SYT3: variants seen among roughly 807,000 people sequenced by gnomAD.
The protein encoded by SYT3 is synaptotagmin-3.
A neutral mutation model predicts 50.6 loss-of-function variants in SYT3; 25 were observed. The observed-to-expected ratio is 0.49, with a 90% CI of 0.36 to 0.69. The LOEUF is 0.69. Ranked by LOEUF, SYT3 falls within the 30% of genes least tolerant of loss-of-function variation. The pLI is 0.00. For synonymous variants in SYT3, 323 were observed against 353.9 expected (o/e 0.91, Z 0.98); for missense variants, 589 against 793.6 (o/e 0.74, Z 3.10).
Position 50,630,147 on chromosome 19 carries a change from G to A in SYT3, c.699C>T (p.Leu233=), listed in dbSNP as rs928925864. 3.8e-6 allele frequency: 6 copies of A among 1,582,686 alleles called. No homozygotes were observed. The highest frequency in any genetic ancestry group is 3.4e-6 in the Non-Finnish European group (4 of 1,164,390). Residue 233 remains leucine (L), a synonymous_variant, in exon 5 of 11, where the codon CTC becomes CTT. Transcript: ENST00000600079. ...GCTGGGAGGTCAGAGTCTGCTGGGT[G>A]AGGGGTCGGGGCAGGGCTGGGTACC... is the stretch of plus-strand genomic sequence containing the variant. The part of the protein sequence containing the change: ...TTRYPALPRP[L]TQQTLTSQPD...
At position 50,637,346 on chromosome 19, in the gene SYT3, C is replaced by T. The variant is rs148889642; in HGVS notation, c.66G>A (p.Ala22=). The T allele has an allele frequency of 1.1e-4, 176 of 1,612,806 alleles. No individual in the cohort carries two copies. In the Admixed American group the frequency reaches 1.2e-3, roughly 11 times the overall value. ...RALILVSDLC[A]RVRDADTNDR... ...CGTTGGTGTCAGCATCTCGGACCCG[C>T]GCACAGAGGTCCGAGACCAGGATGA... is the stretch of plus-strand genomic sequence containing the variant. Residue 22 remains alanine (A), a synonymous_variant, in exon 3 of 11, where the codon GCG becomes GCA. Transcript: ENST00000600079. This position sits in a 1 kb window ranked among gnomAD's most constrained non-coding sequence, Gnocchi z 4.9.
Position 50,637,400 on chromosome 19 carries a change from G to T in SYT3, c.12C>A (p.Asp4Glu). 6.2e-7 allele frequency: 1 copy of T among 1,602,604 alleles called. No individual in the cohort carries two copies. The highest frequency in any genetic ancestry group is 8.5e-7 in the Non-Finnish European group (1 of 1,174,126). Residue 4 changes from aspartate (D) to glutamate (E), a missense_variant, in exon 3 of 11, where the codon GAC becomes GAA. Transcript: ENST00000600079. This position sits in a 1 kb window ranked among gnomAD's most constrained non-coding sequence, Gnocchi z 4.9. Reference protein sequence around the residue: MSGDYEDDLCRRAL... With the variant: MSGEYEDDLCRRAL... ...CCCGCCGGCAGAGGTCATCCTCGTAGTCTCCTGACATGGTGGCCGTCTGGT... is the reference window on the plus strand; with the variant it reads ...CCCGCCGGCAGAGGTCATCCTCGTATTCTCCTGACATGGTGGCCGTCTGGT...
intron 3 of SYT3, among the ~76,000 whole-genome samples, chr19:50,636,279 A>G (rs1984492686): frequency 6.6e-6 from 1 of 152,162 alleles, no homozygotes; most frequent in Non-Finnish European, 1.5e-5. Context: ...AGACAGACAA[A>G]CAAAAACAGT....
chr19:50,631,645 C>G (rs1185486708), intron 4 of SYT3, among the ~76,000 whole-genome samples: 1 of 152,034 alleles, frequency 6.6e-6, no homozygotes, highest in Admixed American at 6.5e-5. Flanking sequence ...TTTGCCTTCC[C>G]AACTCTCCCT....
At chr19:50,641,426 C>T (rs1455178877), upstream of SYT3, among the ~76,000 whole-genome samples, 1 of 150,892 alleles carries the variant, frequency 6.6e-6, no homozygotes, top group African/African-American at 2.4e-5. Flanking sequence ...GCCTCGGCCT[C>T]CCAAAGTGCT....
In SYT3 at chr19:50,632,684, G is replaced by A. The variant is rs147670795; in HGVS notation, c.276C>T (p.Gly92=). 114 of 1,589,240 alleles carry A rather than the reference G, an allele frequency of 7.2e-5. No individual in the cohort carries two copies. The highest frequency in any genetic ancestry group is 6.7e-5 in the African/African-American group (5 of 74,534). Residue 92 remains glycine (G), a synonymous_variant, in exon 4 of 11, where the codon GGC becomes GGT. Transcript: ENST00000600079. The surrounding 1 kb of genome is among the most constrained non-coding windows in gnomAD (Gnocchi z 4.7). The part of the protein sequence containing the change: ...PWRDKGGSAV[G]GGPLRKDLGP... ...CTAGGTCTTTGCGCAGGGGGCCACC[G>A]CCCACTGCCGAGCCTCCCTTGTCCC...
At chr19:50,627,547 C>T (rs535140119) in intron 6 of SYT3, among the ~76,000 whole-genome samples, 1 of 151,984 alleles carries the variant, frequency 6.6e-6, no homozygotes, top group South Asian at 2.1e-4. Context: ...ATGGCGAAAC[C>T]CTGTCTCTAC....
the SYT3 span, among the ~76,000 whole-genome samples, chr19:50,653,819 C>T: frequency 6.6e-6 from 1 of 150,852 alleles, no homozygotes; most frequent in Non-Finnish European, 1.5e-5. Flanking sequence ...GGAGGGTTCA[C>T]GGGGGTGGGG....
the SYT3 span, among the ~76,000 whole-genome samples, chr19:50,653,805 T>C: frequency 1.4e-4 from 21 of 147,336 alleles, no homozygotes; most frequent in East Asian, 4.4e-3. Flanking sequence ...TCAGGTGACT[T>C]TGGGGAGGGT....
rs552116892 is a variant in SYT3, at chr19:50,632,179, C to A, written c.674+107G>T. 3 of 1,262,490 alleles carry A rather than the reference C, an allele frequency of 2.4e-6. No individual in the cohort carries two copies. In the East Asian group the frequency reaches 7.3e-5, roughly 31 times the overall value. 78.2% of individuals were successfully genotyped at this position (1,262,490 alleles called of 1,614,324 possible). A position where few individuals can be genotyped will look rare whatever the true frequency, so the allele number is the denominator to read the frequency against. ...TTCCCTAAGATCCAGGAGTCAATACCCCGATTCCCCTCCAAATCCCGAACT... is the reference window on the plus strand; with the variant it reads ...TTCCCTAAGATCCAGGAGTCAATACACCGATTCCCCTCCAAATCCCGAACT... On this transcript the variant is annotated intron_variant, in intron 4 of 10. Coordinates refer to ENST00000600079, the MANE Select transcript of SYT3 (RefSeq NM_001160329.2). This position sits in a 1 kb window ranked among gnomAD's most constrained non-coding sequence, Gnocchi z 4.7.
chr19:50,652,430 C>CT, the SYT3 span, among the ~76,000 whole-genome samples: 1 of 152,134 alleles, frequency 6.6e-6, no homozygotes, highest in African/African-American at 2.4e-5. Context: ...AATTGCAATA[C>CT]TATGAGTACA....
intron 4 of SYT3, among the ~76,000 whole-genome samples, chr19:50,631,952 G>A (rs754188332): frequency 6.6e-6 from 1 of 152,210 alleles, no homozygotes; most frequent in South Asian, 2.1e-4. Flanking sequence ...GTGAAAGGGG[G>A]TGAACTGCCT....
At chr19:50,626,068 T>C (rs1469733782) in intron 6 of SYT3, 51 bp from the exon 7 acceptor site, 7 of 1,592,080 alleles carry the variant, frequency 4.4e-6, no homozygotes, top group Non-Finnish European at 6.0e-6. Context: ...CCTCTTCAAC[T>C]CTCCCTGATT....
At chr19:50,656,220 C>T in the SYT3 span, 1 of 1,536,050 alleles carries the variant, frequency 6.5e-7, no homozygotes, top group Non-Finnish European at 8.7e-7. Context: ...TTCGCTCTCT[C>T]CCTAGAAAGC....
chr19:50,644,670 A>T (rs1448628361), upstream of SYT3, among the ~76,000 whole-genome samples: 2 of 152,048 alleles, frequency 1.3e-5, no homozygotes, highest in East Asian at 3.9e-4. Flanking sequence ...TGTTGGAGAA[A>T]AAGATGAAGG....
upstream of SYT3, among the ~76,000 whole-genome samples, chr19:50,642,107 C>A (rs940868142): frequency 2.6e-5 from 4 of 152,196 alleles, no homozygotes; most frequent in African/African-American, 9.6e-5. Flanking sequence ...CTTGTGGCTT[C>A]TTGCATCCCC....
upstream of SYT3, among the ~76,000 whole-genome samples, chr19:50,643,615 C>T (rs1340486501): frequency 6.6e-6 from 1 of 151,952 alleles, no homozygotes; most frequent in African/African-American, 2.4e-5. Context: ...GGACAGGGAG[C>T]CAGGAGACAG....
the SYT3 span, among the ~76,000 whole-genome samples, chr19:50,648,779 C>T: frequency 6.6e-6 from 1 of 152,106 alleles, no homozygotes; most frequent in Non-Finnish European, 1.5e-5. Flanking sequence ...GTTGGAATCT[C>T]GCCTGTTTCT....
the SYT3 span, among the ~76,000 whole-genome samples, chr19:50,657,828 G>A: frequency 6.6e-6 from 1 of 152,172 alleles, no homozygotes; most frequent in Non-Finnish European, 1.5e-5. Flanking sequence ...CGTCTCCTTT[G>A]ACCATAGCGA....
Sources: allele counts gnomAD v4.1 joint callset (sites outside exome capture counted in the v4.1 genomes callset), GRCh38; gene constraint gnomAD v4.1.1; non-coding constraint Gnocchi (gnomAD v3.1); transcripts MANE v1.5; gene names NCBI Gene and HGNC (gene_info 2026-07-23, HGNC 2026-07-21).